The following TXNRD1 variants were observed in gnomAD, a reference collection of about 807,000 sequenced individuals.
TXNRD1 encodes thioredoxin reductase 1.
A neutral mutation model predicts 80.3 loss-of-function variants in TXNRD1; 57 were observed. That is an observed-to-expected ratio of 0.71 (90% confidence interval 0.57 to 0.89). TXNRD1 has a LOEUF of 0.89. TXNRD1 is among the 40% of genes least tolerant of loss of function. TXNRD1 has a pLI of 0.00. For missense variants in TXNRD1, 730 were observed against 803.0 expected (o/e 0.91, Z 1.10); for synonymous variants, 291 against 285.2 (o/e 1.02, Z -0.20).
intron 4 of TXNRD1, chr12:104,304,199 G>A: frequency 6.2e-7 from 1 of 1,614,062 alleles, no homozygotes; most frequent in Non-Finnish European, 8.5e-7. Context: ...AGCAGCCCTC[G>A]ACGCCCGGTT....
chr12:104,316,995 T>A lies in TXNRD1; in HGVS notation c.730+1099T>A, dbSNP rs34233240. 6.8e-3 allele frequency among the ~76,000 whole-genome samples: 1,030 copies of A among 152,328 alleles called. 11 individuals are homozygous for A. The highest frequency in any genetic ancestry group is 0.023 in the African/African-American group (975 of 41,566). On this transcript the variant is annotated intron_variant, in intron 7 of 16. Transcript: ENST00000525566. ...TCACTCAAACTAGTTATGCTTCTCTTGTTGATGCTTTTACTTCCTACTTAA... is the reference window on the plus strand; with the variant it reads ...TCACTCAAACTAGTTATGCTTCTCTAGTTGATGCTTTTACTTCCTACTTAA...
At chr12:104,310,002 C>T (rs1287627963) in intron 4 of TXNRD1, 2 of 1,536,270 alleles carry the variant, frequency 1.3e-6, no homozygotes, top group South Asian at 1.2e-5. Context: ...GCACCCCCTT[C>T]CACATCCCAA....
intron 3 of TXNRD1, among the ~76,000 whole-genome samples, chr12:104,287,884 T>G (rs1413865525): frequency 6.6e-6 from 1 of 152,162 alleles, no homozygotes; most frequent in East Asian, 1.9e-4. Context: ...ACTTGTAGAG[T>G]GGTTGTGAAG....
chr12:104,336,203 T>C (rs2036136646), intron 15 of TXNRD1, among the ~76,000 whole-genome samples: 2 of 152,200 alleles, frequency 1.3e-5, no homozygotes. Flanking sequence ...ACCAAGCAAA[T>C]CCATTTTAAC....
At chr12:104,254,493 A>T (rs1411833972) in intron 2 of TXNRD1, among the ~76,000 whole-genome samples, 1 of 151,728 alleles carries the variant, frequency 6.6e-6, no homozygotes, top group African/African-American at 2.4e-5. Context: ...ATTTTCAAAC[A>T]TTATTAAAGA....
At chr12:104,246,029 C>A (rs1347587868) in intron 1 of TXNRD1, among the ~76,000 whole-genome samples, 1 of 146,990 alleles carries the variant, frequency 6.8e-6, no homozygotes, top group Non-Finnish European at 1.5e-5. Flanking sequence ...AGGAGAATGG[C>A]GTGAACTCGG....
At chr12:104,217,341 G>A (rs1225514778) in intron 1 of TXNRD1, among the ~76,000 whole-genome samples, 1 of 134,146 alleles carries the variant, frequency 7.5e-6, no homozygotes, top group Non-Finnish European at 1.5e-5. Context: ...TTTTAGTTTC[G>A]CTCTCGTTGC....
chr12:104,287,388 C>G (rs775178299), intron 3 of TXNRD1: 2 of 1,613,854 alleles, frequency 1.2e-6, no homozygotes, highest in African/African-American at 2.7e-5. Flanking sequence ...TTTCCTTCCT[C>G]TTGGTCTTTG....
chr12:104,338,541 A>G (rs1226946845), intron 15 of TXNRD1, among the ~76,000 whole-genome samples: 6 of 151,156 alleles, frequency 4.0e-5, no homozygotes, highest in African/African-American at 1.5e-4. Flanking sequence ...CTAAAAATAC[A>G]AAAAAATTAG....
intron 1 of TXNRD1, among the ~76,000 whole-genome samples, chr12:104,236,959 A>G (rs990400109): frequency 6.7e-6 from 1 of 149,816 alleles, no homozygotes; most frequent in African/African-American, 2.4e-5. Flanking sequence ...TAATGCATGC[A>G]TGAGAGGCCC....
intron 3 of TXNRD1, among the ~76,000 whole-genome samples, chr12:104,266,166 C>G (rs1243376346): frequency 6.6e-6 from 1 of 152,084 alleles, no homozygotes; most frequent in Non-Finnish European, 1.5e-5. Flanking sequence ...CTGGGACTAT[C>G]TAAATTGTAG....
At position 104,305,180 on chromosome 12, in the gene TXNRD1, A is replaced by G. The variant is rs2135789980; in HGVS notation, c.415-6110A>G. Reference sequence around the variant, plus strand: ...TTATTGAATGCCCTTTAAGACTATTAATAAAAACAAGTTTTGGATACCAAA... The same window carrying G: ...TTATTGAATGCCCTTTAAGACTATTGATAAAAACAAGTTTTGGATACCAAA... On this transcript the variant is annotated intron_variant, in intron 4 of 16. Transcript: ENST00000525566. 1.2e-5 allele frequency: 4 copies of G among 345,694 alleles called. No homozygotes were observed. The East Asian group carries it at 2.1e-4, about 18-fold the overall frequency. 21.4% of individuals were successfully genotyped at this position (345,694 alleles called of 1,614,324 possible).
intron 4 of TXNRD1, chr12:104,304,595 G>C: frequency 6.2e-7 from 1 of 1,613,952 alleles, no homozygotes; most frequent in Non-Finnish European, 8.5e-7. Flanking sequence ...AGAAAAAAAC[G>C]TAGAAAGGAT....
chr12:104,290,446 C>A (rs937760290), intron 4 of TXNRD1, among the ~76,000 whole-genome samples: 11 of 151,790 alleles, frequency 7.2e-5, no homozygotes, highest in African/African-American at 2.7e-4. Flanking sequence ...AATCCCAGCA[C>A]CTTGGGAGGC....
At chr12:104,300,128 T>A (rs1248734955) in intron 4 of TXNRD1, among the ~76,000 whole-genome samples, 1 of 152,230 alleles carries the variant, frequency 6.6e-6, no homozygotes, top group East Asian at 1.9e-4. Flanking sequence ...GGGAGACATG[T>A]GACCTTTGTC....
chr12:104,325,541 T>C (rs938571315), intron 11 of TXNRD1, 112 bp downstream of exon 11: 3 of 773,270 alleles, frequency 3.9e-6, no homozygotes, highest in Non-Finnish European at 6.5e-6. Context: ...ACTGGTTCTA[T>C]GCCAATTCTT....
chr12:104,263,084 GA>G (rs996973160), intron 3 of TXNRD1, among the ~76,000 whole-genome samples: 1 of 152,162 alleles, frequency 6.6e-6, no homozygotes, highest in African/African-American at 2.4e-5. Flanking sequence ...ATTGGAGAGA[GA>G]AACTCAGAAC....
chr12:104,344,669 C>T (rs2036436462), intron 16 of TXNRD1, among the ~76,000 whole-genome samples: 1 of 152,158 alleles, frequency 6.6e-6, no homozygotes, highest in Non-Finnish European at 1.5e-5. Context: ...TGCTATAGAA[C>T]ATATTCCTCC....
intron 15 of TXNRD1, among the ~76,000 whole-genome samples, chr12:104,334,936 A>G (rs567706486): frequency 6.6e-6 from 1 of 152,190 alleles, no homozygotes; most frequent in Admixed American, 6.5e-5. Context: ...GTCATCGACT[A>G]TCTAAATATA....
Sources: allele counts gnomAD v4.1 joint callset (sites outside exome capture counted in the v4.1 genomes callset), GRCh38; gene constraint gnomAD v4.1.1; transcripts MANE v1.5; gene names NCBI Gene and HGNC (gene_info 2026-07-23, HGNC 2026-07-21).